The following USP13 variants were observed in gnomAD, a reference collection of about 807,000 sequenced individuals.
The protein encoded by USP13 is ubiquitin specific peptidase 13.
Under a neutral mutation model 107.8 loss-of-function variants are expected in USP13, and 68 were observed. The ratio of observed to expected loss-of-function variants is 0.63; its 90% CI spans 0.52 to 0.77. The LOEUF (loss-of-function observed/expected upper bound fraction) is 0.77. Among genes scored for constraint, USP13 ranks in the 30% least tolerant of loss-of-function variants. The pLI, the probability that USP13 is intolerant of heterozygous loss-of-function variation, is 0.00. For synonymous variants in USP13, 377 were observed against 389.5 expected (o/e 0.97, Z 0.38); for missense variants, 945 against 1,093.3 (o/e 0.86, Z 1.91).
At chr3:179,694,905 C>T (rs1446381899) in intron 3 of USP13, among the ~76,000 whole-genome samples, 1 of 152,006 alleles carries the variant, frequency 6.6e-6, no homozygotes, top group East Asian at 1.9e-4. Flanking sequence ...TCAGCCTTCT[C>T]ATAGAGCCCC....
chr3:179,733,839 A>G (rs1218204756), intron 10 of USP13, among the ~76,000 whole-genome samples: 1 of 152,228 alleles, frequency 6.6e-6, no homozygotes, highest in Admixed American at 6.5e-5. Flanking sequence ...AAACGGATGC[A>G]CAGAAGCCTT....
intron 20 of USP13, among the ~76,000 whole-genome samples, chr3:179,782,333 C>G (rs1320014457): frequency 6.6e-6 from 1 of 152,150 alleles, no homozygotes; most frequent in South Asian, 2.1e-4. Flanking sequence ...AACTGGGTAA[C>G]CTGTGTTTTA....
chr3:179,771,613 C>CCA (rs1715345099), intron 19 of USP13, among the ~76,000 whole-genome samples: 2 of 152,280 alleles, frequency 1.3e-5, no homozygotes, highest in South Asian at 4.1e-4. Flanking sequence ...TTGAGAATTA[C>CCA]CACCTTAAAA....
intron 1 of USP13, among the ~76,000 whole-genome samples, chr3:179,655,566 T>G (rs200753119): frequency 0.19 from 26,332 of 138,976 alleles, 3,021 homozygotes; most frequent in African/African-American, 0.24. Flanking sequence ...TGTTTTGTTT[T>G]GTTTTTTTTT....
chr3:179,682,317 A>G (rs1188534339), intron 2 of USP13, among the ~76,000 whole-genome samples: 2 of 30,950 alleles, frequency 6.5e-5, no homozygotes, highest in Non-Finnish European at 2.2e-4. Context: ...CAAAAATCAT[A>G]AAAAAAAACC....
At chr3:179,750,326 G>GTGTGTGTATATATATATATATATA (rs1553797370) in intron 13 of USP13, among the ~76,000 whole-genome samples, 1 of 75,828 alleles carries the variant, frequency 1.3e-5, no homozygotes, top group Admixed American at 1.5e-4. Flanking sequence ...ATATATGTGT[G>GTGTGTGTATATATATATATATATA]TATATATATA....
In USP13 at chr3:179,779,863, G is replaced by A. The variant is rs531923220; in HGVS notation, c.2414-1876G>A. On this transcript the variant is annotated intron_variant, in intron 19 of 20. Coordinates refer to ENST00000263966, the MANE Select transcript of USP13 (RefSeq NM_003940.3). ...GTAGTAATTCAGACAAGATATTATG[G>A]TGACTTGGATGAGGGGCTACAAGTG... is the stretch of plus-strand genomic sequence containing the variant. Among the ~76,000 whole-genome samples, 212 of 152,268 alleles carry A rather than the reference G, an allele frequency of 1.4e-3. 1 individual carries two copies. The highest frequency in any genetic ancestry group is 4.9e-3 in the African/African-American group (202 of 41,560).
intron 10 of USP13, among the ~76,000 whole-genome samples, chr3:179,731,575 T>A (rs373527670): frequency 7.2e-5 from 11 of 152,160 alleles, no homozygotes; most frequent in African/African-American, 2.7e-4. Flanking sequence ...TACTAATTAA[T>A]AGAACCACTG....
intron 16 of USP13, among the ~76,000 whole-genome samples, chr3:179,758,002 T>C (rs1314090579): frequency 6.6e-6 from 1 of 152,206 alleles, no homozygotes; most frequent in East Asian, 1.9e-4. Flanking sequence ...TATTGTTCCA[T>C]AAATTCTTTC....
intron 11 of USP13, among the ~76,000 whole-genome samples, chr3:179,741,670 C>T (rs1252999912): frequency 6.6e-6 from 1 of 152,182 alleles, no homozygotes; most frequent in Non-Finnish European, 1.5e-5. Flanking sequence ...AGCCAGTGTT[C>T]ACAGGTTGGC....
intron 3 of USP13, among the ~76,000 whole-genome samples, chr3:179,700,589 A>C (rs528576576): frequency 9.2e-5 from 14 of 152,162 alleles, no homozygotes; most frequent in African/African-American, 2.2e-4. Flanking sequence ...GCAAAAAAAA[A>C]CCCCAAGAAA....
intron 4 of USP13, among the ~76,000 whole-genome samples, chr3:179,705,463 A>G (rs548980158): frequency 6.6e-6 from 1 of 152,260 alleles, no homozygotes; most frequent in East Asian, 1.9e-4. Flanking sequence ...GGCACTCACT[A>G]ATCTACTTTC....
chr3:179,682,015 A>G lies in USP13; in HGVS notation c.294+12A>G, dbSNP rs993177680. On this transcript the variant is annotated intron_variant, in intron 2 of 20. Transcript: ENST00000263966. ...GACATGTGCGAGAGGTGAGAGCGGC[A>G]CTTTCAGAGAACTGGCCTTGATGTC... is the stretch of plus-strand genomic sequence containing the variant. The G allele has an allele frequency of 3.1e-6, 5 of 1,609,466 alleles. No individual in the cohort carries two copies. In the African/African-American group the frequency reaches 5.4e-5, roughly 17 times the overall value.
intron 8 of USP13, 66 bp from the exon 9 acceptor site, chr3:179,730,123 A>G: frequency 6.9e-7 from 1 of 1,458,300 alleles, no homozygotes; most frequent in East Asian, 2.3e-5. Context: ...AAGAATTTTG[A>G]TGGCTTGTTT....
chr3:179,679,950 G>T (rs977720852), intron 1 of USP13, among the ~76,000 whole-genome samples: 2 of 151,960 alleles, frequency 1.3e-5, no homozygotes, highest in Non-Finnish European at 1.5e-5. Flanking sequence ...TTAAGTGGGC[G>T]GATTGCTTGA....
In USP13 at chr3:179,720,040, G is replaced by T. The variant is rs1377630354; in HGVS notation, c.900+6G>T. On this transcript the variant is annotated splice_donor_region_variant and intron_variant, in intron 7 of 20. Transcript: ENST00000263966. ...ATATGCTTCATATGCATGGGGTGAG[G>T]TCTCCTTTTGTTTCTGTTTCCATCT... 6.2e-7 allele frequency: 1 copy of T among 1,611,976 alleles called. No homozygotes were observed. Among genetic ancestry groups the T allele is most frequent in the Admixed American group, 1.7e-5 (1 of 59,788 alleles).
chr3:179,668,753 A>AT (rs1250869217), intron 1 of USP13, among the ~76,000 whole-genome samples: 1 of 151,410 alleles, frequency 6.6e-6, no homozygotes, highest in Non-Finnish European at 1.5e-5. Context: ...TCTCCATTAT[A>AT]TTTCCCCCTT....
Position 179,730,238 on chromosome 3 carries a change from A to C in USP13, c.1138A>C (p.Thr380Pro), listed in dbSNP as rs777316884. The C allele has an allele frequency of 2.5e-6, 4 of 1,612,584 alleles. No homozygotes were observed. In the African/African-American group the frequency reaches 5.4e-5, roughly 22 times the overall value. Residue 380 changes from threonine (T) to proline (P), a missense_variant, in exon 9 of 21, where the codon ACA (threonine) becomes CCA (proline). Coordinates refer to ENST00000263966, the MANE Select transcript of USP13 (RefSeq NM_003940.3). ...ATTTGACTACTCGCCTTTAGATCCAACACAAGATTTCAACACACAGATGTA... is the reference window on the plus strand; with the variant it reads ...ATTTGACTACTCGCCTTTAGATCCACCACAAGATTTCAACACACAGATGTA... The part of the protein sequence containing the change: ...RIFDYSPLDP[T>P]QDFNTQMTKL...
At chr3:179,750,326 G>GTATATATA (rs569602060) in intron 13 of USP13, among the ~76,000 whole-genome samples, 61 of 75,850 alleles carry the variant, frequency 8.0e-4, no homozygotes, top group African/African-American at 2.3e-3. Context: ...ATATATGTGT[G>GTATATATA]TATATATATA....
Sources: allele counts gnomAD v4.1 joint callset (sites outside exome capture counted in the v4.1 genomes callset), GRCh38; gene constraint gnomAD v4.1.1; transcripts MANE v1.5; gene names NCBI Gene and HGNC (gene_info 2026-07-23, HGNC 2026-07-21).